ANO9: variants seen among roughly 807,000 people sequenced by gnomAD.
The protein encoded by ANO9 is anoctamin 9.
In ANO9, 80 loss-of-function variants were observed where a neutral mutation model predicts 100.5. The ratio of observed to expected loss-of-function variants is 0.80; its 90% CI spans 0.66 to 0.96. ANO9 has a LOEUF of 0.96. Ranked by LOEUF, ANO9 falls within the 40% of genes least tolerant of loss-of-function variation. ANO9 has a pLI of 0.00. For missense variants in ANO9, 1,064 were observed against 1,072.7 expected (o/e 0.99, Z 0.11); for synonymous variants, 473 against 435.6 (o/e 1.09, Z -1.07).
At chr11:419,425 C>T (rs1032033582) in intron 20 of ANO9, 157 bp downstream of exon 20, 34 of 1,428,330 alleles carry the variant, frequency 2.4e-5, no homozygotes, top group Non-Finnish European at 3.0e-5. Flanking sequence ...CGTCAGTGGG[C>T]GCAGGGCAGG....
Position 429,782 on chromosome 11 carries a change from A to C in ANO9, c.808T>G (p.Phe270Val). The stretch of plus-strand genomic sequence containing the variant: ...CCCCAGAGAGCCATGAAGATGGCGA[A>C]CACCACCGTGCCATCATTGTCAAAG... ...HLFDNDGTVV[F>V]AIFMALWATV... Residue 270 changes from phenylalanine (F) to valine (V), a missense_variant, in exon 10 of 23, where the codon TTC (phenylalanine) becomes GTC (valine). Coordinates refer to ENST00000332826, the MANE Select transcript of ANO9 (RefSeq NM_001012302.3). 6.2e-7 allele frequency: 1 copy of C among 1,610,022 alleles called. No homozygotes were observed. Among genetic ancestry groups the C allele is most frequent in the Non-Finnish European group, 8.5e-7 (1 of 1,178,110 alleles).
At chr11:420,437 C>G in intron 19 of ANO9, 26 bp downstream of exon 19, 1 of 1,596,634 alleles carries the variant, frequency 6.3e-7, no homozygotes, top group Non-Finnish European at 8.5e-7. Context: ...CCAGTTCCCG[C>G]CCATCCTGCG....
intron 9 of ANO9, 75 bp from the exon 10 acceptor site, chr11:429,893 C>T: frequency 1.6e-6 from 2 of 1,260,538 alleles, no homozygotes; most frequent in South Asian, 2.8e-5. Context: ...GGGAGGGAGG[C>T]AGGAAAGCCG....
chr11:430,391 C>T lies in ANO9; in HGVS notation c.552G>A (p.Gly184=), dbSNP rs768802062. Reference sequence around the variant, plus strand: ...AGACGAAGTACAGGGCCACCTTTTCCCCAAAGTAGTTCCTGCAGGCAGCAG... The same window carrying T: ...AGACGAAGTACAGGGCCACCTTTTCTCCAAAGTAGTTCCTGCAGGCAGCAG... ...QPVDEIRNYF[G]EKVALYFVWL... Residue 184 remains glycine, a synonymous_variant, in exon 8 of 23, where the codon GGG becomes GGA. Transcript: ENST00000332826. 5 of 1,599,952 alleles carry T rather than the reference C, an allele frequency of 3.1e-6. No individual in the cohort carries two copies. The South Asian group carries it at 5.5e-5, about 18-fold the overall frequency.
chr11:433,956 G>A lies in ANO9; in HGVS notation c.82-19C>T. On this transcript the variant is annotated intron_variant, in intron 2 of 22. Transcript: ENST00000332826. ...CCTCGGTCTGCAGGGAGGAGGCATG[G>A]GGCCAGGCGCAGGTGAAGGGGCAGA... 1 of 1,556,140 alleles carries A rather than the reference G, an allele frequency of 6.4e-7. No individual in the cohort carries two copies. The highest frequency in any genetic ancestry group is 1.4e-5 in the African/African-American group (1 of 73,994).
chr11:441,342 C>T (rs971342018), intron 1 of ANO9, among the ~76,000 whole-genome samples: 58 of 152,076 alleles, frequency 3.8e-4, no homozygotes, highest in Non-Finnish European at 6.8e-4. Context: ...CCCCCAGAAT[C>T]GGAATCCAGC....
chr11:428,945 A>G (rs946892322), intron 11 of ANO9, 119 bp from the exon 12 acceptor site: 56 of 945,228 alleles, frequency 5.9e-5, no homozygotes, highest in Non-Finnish European at 8.6e-5. Flanking sequence ...ACACATGGGG[A>G]GACAGACACG....
Position 432,407 on chromosome 11 carries a change from C to T in ANO9, c.351-353G>A, listed in dbSNP as rs552840316. 111 of 356,848 alleles carry T rather than the reference C, an allele frequency of 3.1e-4. 1 individual carries two copies. Among genetic ancestry groups the T allele is most frequent in the South Asian group, 3.1e-3 (91 of 29,300 alleles). The allele number at this position is 356,848 out of a possible 1,614,324, so 22.1% of individuals were successfully genotyped here. ...TCCAGAGCACACCCCAGCCTGCATCCGCACACACCCTCCTTATACCCTGGA... is the reference window on the plus strand; with the variant it reads ...TCCAGAGCACACCCCAGCCTGCATCTGCACACACCCTCCTTATACCCTGGA... On this transcript the variant is annotated intron_variant, in intron 4 of 22. Transcript: ENST00000332826. This position sits in a 1 kb window ranked among gnomAD's most constrained non-coding sequence, Gnocchi z 4.8.
intron 1 of ANO9, among the ~76,000 whole-genome samples, chr11:435,904 G>A (rs12576171): frequency 0.58 from 84,760 of 146,008 alleles, 24,806 homozygotes; most frequent in Middle Eastern, 0.66. Context: ...GTCTAGTATG[G>A]TCTAGTATGG....
Position 422,603 on chromosome 11 carries a change from C to T in ANO9, c.1335-1405G>A. Among the ~76,000 whole-genome samples, 1 of 152,138 alleles carries T rather than the reference C, an allele frequency of 6.6e-6. No individual in the cohort carries two copies. Among genetic ancestry groups the T allele is most frequent in the East Asian group, 1.9e-4 (1 of 5,192 alleles). On this transcript the variant is annotated intron_variant, in intron 15 of 22. Coordinates refer to ENST00000332826, the MANE Select transcript of ANO9 (RefSeq NM_001012302.3). The surrounding 1 kb of genome is among the most constrained non-coding windows in gnomAD (Gnocchi z 4.3). ...TGCAGGGGGAGGAGCAGCCGTGCAC[C>T]AAGGAGAAGCTGAAAGTGAATTATC...
At chr11:436,298 C>T (rs527986553) in intron 1 of ANO9, among the ~76,000 whole-genome samples, 2 of 152,144 alleles carry the variant, frequency 1.3e-5, no homozygotes, top group Admixed American at 1.3e-4. Flanking sequence ...AACTCCCGAC[C>T]TCGGGTGATC....
chr11:423,131 C>T (rs766566669), intron 15 of ANO9, among the ~76,000 whole-genome samples: 6 of 152,120 alleles, frequency 3.9e-5, no homozygotes, highest in Non-Finnish European at 7.4e-5. Flanking sequence ...CCCAGCTAGT[C>T]TCACAGAATT....
intron 9 of ANO9, 111 bp downstream of exon 9, chr11:429,971 TG>T: frequency 2.2e-6 from 3 of 1,381,644 alleles, no homozygotes; most frequent in Non-Finnish European, 3.0e-6. Flanking sequence ...GTCAGCCCTG[TG>T]GGGAAAGCTG....
intron 11 of ANO9, among the ~76,000 whole-genome samples, chr11:429,272 G>A (rs1848732102): frequency 7.6e-6 from 1 of 131,782 alleles, no homozygotes; most frequent in Non-Finnish European, 1.6e-5. Flanking sequence ...ACAGACACGG[G>A]ACACTCACCC....
chr11:420,320 A>G, intron 19 of ANO9, 143 bp downstream of exon 19: 1 of 1,458,802 alleles, frequency 6.9e-7, no homozygotes. Flanking sequence ...CCCGCATCCG[A>G]GGCCGTCGGA....
At chr11:441,206 C>T (rs1845846556) in intron 1 of ANO9, among the ~76,000 whole-genome samples, 1 of 152,190 alleles carries the variant, frequency 6.6e-6, no homozygotes, top group Admixed American at 6.5e-5. Context: ...CTCCACACCT[C>T]ACCACTGCCT....
At position 421,339 on chromosome 11, in the gene ANO9, A is replaced by C. The variant is rs1848170693; in HGVS notation, c.1335-141T>G. 1.3e-6 allele frequency: 1 copy of C among 784,430 alleles called. No individual in the cohort carries two copies. Among genetic ancestry groups the C allele is most frequent in the Admixed American group, 3.3e-5 (1 of 30,318 alleles). 48.6% of individuals were successfully genotyped at this position (784,430 alleles called of 1,614,324 possible). On this transcript the variant is annotated intron_variant, in intron 15 of 22. Transcript: ENST00000332826. This position sits in a 1 kb window ranked among gnomAD's most constrained non-coding sequence, Gnocchi z 6.8. ...AGGTGAGCGGGGCACAGGTGCTCAC[A>C]CCCAGATGAACCGCACCCGCACGTG... is the stretch of plus-strand genomic sequence containing the variant.
rs748117258 is a variant in ANO9, at chr11:420,872, G to A, written c.1491-12C>T. On this transcript the variant is annotated splice_polypyrimidine_tract_variant and intron_variant, in intron 17 of 22. Coordinates refer to ENST00000332826, the MANE Select transcript of ANO9 (RefSeq NM_001012302.3). ...TGTGGGTCACCCACCTGCGGGGAGA[G>A]CTGCGTGGCAGGGAGGGCGCAGGGG... 3.1e-6 allele frequency: 5 copies of A among 1,589,218 alleles called. No homozygotes were observed. Among genetic ancestry groups the A allele is most frequent in the Non-Finnish European group, 4.3e-6 (5 of 1,170,096 alleles).
At chr11:440,883 G>A (rs770495270) in intron 1 of ANO9, among the ~76,000 whole-genome samples, 9 of 152,266 alleles carry the variant, frequency 5.9e-5, no homozygotes, top group Non-Finnish European at 1.0e-4. Flanking sequence ...ACAGGCATGC[G>A]CCACCAGGCC....
Sources: allele counts gnomAD v4.1 joint callset (sites outside exome capture counted in the v4.1 genomes callset), GRCh38; gene constraint gnomAD v4.1.1; non-coding constraint Gnocchi (gnomAD v3.1); transcripts MANE v1.5; gene names NCBI Gene and HGNC (gene_info 2026-07-23, HGNC 2026-07-21).